DOCK4: variants seen among roughly 807,000 people sequenced by gnomAD.
DOCK4 encodes the protein dedicator of cytokinesis protein 4.
Under a neutral mutation model 268.1 loss-of-function variants are expected in DOCK4, and 97 were observed. The ratio of observed to expected loss-of-function variants is 0.36; its 90% CI spans 0.31 to 0.43. The LOEUF (loss-of-function observed/expected upper bound fraction) is 0.43, where lower values mean the gene tolerates loss of function less well. Ranked by LOEUF, DOCK4 falls within the 20% of genes least tolerant of loss-of-function variation. The pLI is 1.00. For synonymous variants in DOCK4, 954 were observed against 887.2 expected, an observed-to-expected ratio of 1.08 and a Z score of -1.34; for missense variants, 2,145 against 2,455.7, an observed-to-expected ratio of 0.87 and a Z score of 2.67.
chr7:112,023,604 A>G (rs1254885623), intron 1 of DOCK4: 5 of 447,898 alleles, frequency 1.1e-5, no homozygotes, highest in Non-Finnish European at 2.2e-5. Flanking sequence ...TTTTTAAATC[A>G]GTAATATTGA....
intron 1 of DOCK4, among the ~76,000 whole-genome samples, chr7:112,097,891 A>G (rs916807075): frequency 6.6e-6 from 1 of 152,206 alleles, no homozygotes; most frequent in Non-Finnish European, 1.5e-5. Flanking sequence ...GGTAGAATTA[A>G]AGGGATTCCA....
chr7:112,004,378 A>G (rs1800684592), intron 1 of DOCK4, among the ~76,000 whole-genome samples: 1 of 152,188 alleles, frequency 6.6e-6, no homozygotes, highest in Non-Finnish European at 1.5e-5. Context: ...ACAATATATC[A>G]ATGCTATCAC....
intron 1 of DOCK4, among the ~76,000 whole-genome samples, chr7:112,110,218 T>A (rs1811528118): frequency 6.6e-6 from 1 of 152,194 alleles, no homozygotes; most frequent in Admixed American, 6.5e-5. Context: ...AGGTAAAAAA[T>A]TTAAATACTA....
In DOCK4 at chr7:112,080,743, T is replaced by C. The variant is rs550228033; in HGVS notation, c.38-76612A>G. 8.5e-5 allele frequency among the ~76,000 whole-genome samples: 13 copies of C among 152,276 alleles called. No individual in the cohort carries two copies. The East Asian group carries it at 1.2e-3, about 14-fold the overall frequency. On this transcript the variant is annotated intron_variant, in intron 1 of 52. Coordinates refer to ENST00000428084, the MANE Select transcript of DOCK4 (RefSeq NM_001363540.2). ...TCAACGCATATTTACACAATGGGTA[T>C]ATCCAAATACGTAAGACAACCACTG...
intron 30 of DOCK4, among the ~76,000 whole-genome samples, chr7:111,806,332 T>A (rs570670096): frequency 6.6e-6 from 1 of 152,348 alleles, no homozygotes; most frequent in Middle Eastern, 3.4e-3. Flanking sequence ...CTCCTCATTT[T>A]ATAAAAATAT....
chr7:112,082,536 G>T (rs58642900), intron 1 of DOCK4, among the ~76,000 whole-genome samples: 9 of 152,152 alleles, frequency 5.9e-5, no homozygotes, highest in Non-Finnish European at 1.2e-4. Flanking sequence ...AATAAATTTC[G>T]TAATTGTTGT....
At chr7:112,066,080 A>T (rs1323747615) in intron 1 of DOCK4, among the ~76,000 whole-genome samples, 1 of 152,162 alleles carries the variant, frequency 6.6e-6, no homozygotes, top group East Asian at 1.9e-4. Context: ...TGACTGGATT[A>T]AGGGACACCC....
intron 1 of DOCK4, among the ~76,000 whole-genome samples, chr7:112,014,910 G>C (rs1125495): frequency 0.44 from 67,448 of 151,666 alleles, 15,179 homozygotes; most frequent in Non-Finnish European, 0.47. Flanking sequence ...GTCTCGAAAG[G>C]AAGAAAGAGA....
rs564183702 is a variant in DOCK4, at chr7:111,736,949, C to T, written c.5273G>A (p.Arg1758His). 63 of 1,604,708 alleles carry T rather than the reference C, an allele frequency of 3.9e-5. No individual in the cohort carries two copies. Among genetic ancestry groups the T allele is most frequent in the South Asian group, 3.4e-5 (3 of 88,774 alleles). ...FNHIGDGALP[R>H]SDPNLSAPEK... ...AGGTGCAGAGAGATTTGGGTCACTG[C>T]GTGGCAAGGCCCCGTCTCCAATATG... The change falls in exon 50 of 53, where the codon CGC (arginine) becomes CAC (histidine). Residue 1758 changes from arginine (R) to histidine (H), a missense_variant. Physicochemically the swap from Arg to His is conservative, Grantham distance 29. Around this residue, in one of 2 missense-constraint regions of DOCK4, gnomAD observed 547 missense variants for 469.0 expected, o/e 1.17. Transcript: ENST00000428084.
intron 25 of DOCK4, among the ~76,000 whole-genome samples, chr7:111,836,017 C>T (rs1042672577): frequency 6.6e-6 from 1 of 152,008 alleles, no homozygotes; most frequent in African/African-American, 2.4e-5. Flanking sequence ...TCAACATATA[C>T]TTTGTTAATG....
chr7:112,001,670 A>G (rs534242138), intron 2 of DOCK4, among the ~76,000 whole-genome samples: 2 of 152,368 alleles, frequency 1.3e-5, no homozygotes, highest in African/African-American at 4.8e-5. Flanking sequence ...TGAATCTTCT[A>G]TTCATGAAAC....
intron 5 of DOCK4, among the ~76,000 whole-genome samples, chr7:111,993,271 T>G (rs951693683): frequency 1.3e-5 from 2 of 152,254 alleles, no homozygotes; most frequent in Non-Finnish European, 2.9e-5. Flanking sequence ...TTTGTCAGGA[T>G]AAGCACACGT....
At chr7:111,767,477 G>A (rs1465408245) in intron 37 of DOCK4, among the ~76,000 whole-genome samples, 2 of 151,792 alleles carry the variant, frequency 1.3e-5, no homozygotes, top group Non-Finnish European at 1.5e-5. Flanking sequence ...CACCCGCCTC[G>A]GCCTCCCAAA....
Position 111,788,978 on chromosome 7 carries a change from CATCT to C in DOCK4, c.3316-235_3316-232del, listed in dbSNP as rs151195955. 3.7e-3 allele frequency: 2,095 copies of C among 558,738 alleles called. 25 individuals carry two copies. Among genetic ancestry groups the C allele is most frequent in the African/African-American group, 0.035 (1,847 of 53,224 alleles). 34.6% of individuals were successfully genotyped at this position (558,738 alleles called of 1,614,324 possible). A position where few individuals can be genotyped will look rare whatever the true frequency, so the allele number is the denominator to read the frequency against. On this transcript the variant is annotated intron_variant, in intron 31 of 52. Transcript: ENST00000428084. ...GGGTAGCGTTTACTGCTGCCAAAGACATCTATCTATTTGTTGATTCAAACACAAA... is the reference window on the plus strand; with the variant it reads ...GGGTAGCGTTTACTGCTGCCAAAGACATCTATTTGTTGATTCAAACACAAA...
intron 1 of DOCK4, among the ~76,000 whole-genome samples, chr7:112,013,004 T>A (rs1801482610): frequency 6.6e-6 from 1 of 152,032 alleles, no homozygotes; most frequent in African/African-American, 2.4e-5. Flanking sequence ...AGTTAGCAAA[T>A]ATCACAAAAG....
At chr7:111,869,878 C>T (rs905776215) in intron 20 of DOCK4, among the ~76,000 whole-genome samples, 2 of 152,174 alleles carry the variant, frequency 1.3e-5, no homozygotes, top group Non-Finnish European at 2.9e-5. Flanking sequence ...GGACATATTC[C>T]ATAGCCCTGC....
chr7:112,135,320 G>T (rs148845624), intron 1 of DOCK4, among the ~76,000 whole-genome samples: 2 of 151,746 alleles, frequency 1.3e-5, no homozygotes. Context: ...TACCTTTTTA[G>T]TCTTATGTTT....
intron 1 of DOCK4, among the ~76,000 whole-genome samples, chr7:112,077,847 T>C (rs1162948422): frequency 6.6e-6 from 1 of 152,082 alleles, no homozygotes; most frequent in Non-Finnish European, 1.5e-5. Flanking sequence ...AGTAAACTTA[T>C]CAGTTAATAG....
rs558506331 is a variant in DOCK4, at chr7:112,003,413, G to C, written c.121+635C>G. 1.6e-3 allele frequency among the ~76,000 whole-genome samples: 251 copies of C among 152,152 alleles called. 3 individuals are homozygous for C. The highest frequency in any genetic ancestry group is 5.9e-3 in the African/African-American group (243 of 41,508). The stretch of plus-strand genomic sequence containing the variant: ...AAAGAAAAACAAAAAACAAAACAAA[G>C]TAGTCATTTGATCAGAAATCTTTTT... On this transcript the variant is annotated intron_variant, in intron 2 of 52. Transcript: ENST00000428084.
Sources: gnomAD v4.1 joint callset for allele counts (sites outside exome capture counted in the v4.1 genomes callset) on GRCh38, gnomAD v4.1.1 for gene constraint, gnomAD v4.1.1 regional missense constraint, MANE v1.5 for transcripts, NCBI Gene and HGNC (gene_info 2026-07-23, HGNC 2026-07-21) for gene names.